Variants in CD247 observed in about 807,000 individuals in gnomAD.
CD247 encodes T-cell surface glycoprotein CD3 zeta chain.
CD247 carries 13 observed loss-of-function variants against 30.0 expected under a neutral mutation model. The ratio of observed to expected loss-of-function variants is 0.43; its 90% CI spans 0.28 to 0.69. The LOEUF (loss-of-function observed/expected upper bound fraction) is 0.69. CD247 is among the 30% of genes least tolerant of loss of function. The probability of loss-of-function intolerance (pLI) is 0.16; values close to 1 mark genes in which losing one functional copy is unlikely to be tolerated. For missense variants in CD247, 193 were observed against 212.6 expected, an observed-to-expected ratio of 0.91 and a Z score of 0.57; for synonymous variants, 72 against 80.0, an observed-to-expected ratio of 0.90 and a Z score of 0.53.
chr1:167,460,892 T>G (rs1652978157), intron 1 of CD247, among the ~76,000 whole-genome samples: 1 of 152,188 alleles, frequency 6.6e-6, no homozygotes, highest in Non-Finnish European at 1.5e-5. Context: ...TTTGCAAGTT[T>G]CCTATTCAGG....
intron 2 of CD247, chr1:167,440,450 C>G: frequency 1.6e-6 from 1 of 612,060 alleles, no homozygotes; most frequent in Admixed American, 2.6e-5. Flanking sequence ...GTGCCTAGCA[C>G]CAGGCTCTCC....
chr1:167,514,919 T>A (rs139624245), intron 1 of CD247, among the ~76,000 whole-genome samples: 170 of 152,022 alleles, frequency 1.1e-3, no homozygotes, highest in African/African-American at 3.9e-3. Flanking sequence ...AAAGTATATA[T>A]CCAACAATAA....
intron 1 of CD247, among the ~76,000 whole-genome samples, chr1:167,466,709 C>T (rs1653263855): frequency 6.6e-6 from 1 of 152,182 alleles, no homozygotes; most frequent in Non-Finnish European, 1.5e-5. Flanking sequence ...TTTTCAAGAG[C>T]GAGGCCTGTG....
At chr1:167,449,151 T>TC (rs1652232321) in intron 1 of CD247, among the ~76,000 whole-genome samples, 1 of 49,954 alleles carries the variant, frequency 2.0e-5, no homozygotes. Context: ...TTTCTTTTCT[T>TC]TTTTTTTTTT....
At chr1:167,432,757 G>A (rs549557403) in intron 7 of CD247, among the ~76,000 whole-genome samples, 1 of 152,324 alleles carries the variant, frequency 6.6e-6, no homozygotes, top group East Asian at 1.9e-4. Flanking sequence ...GGGAGGCTGC[G>A]TACCCTCTGG....
intron 4 of CD247, among the ~76,000 whole-genome samples, chr1:167,438,138 A>G (rs1267854357): frequency 1.3e-5 from 2 of 152,130 alleles, no homozygotes; most frequent in African/African-American, 2.4e-5. Flanking sequence ...GTATACCCAC[A>G]GGTATAGTGT....
intron 1 of CD247, among the ~76,000 whole-genome samples, chr1:167,509,369 CAAA>C (rs35004744): frequency 3.1e-5 from 2 of 63,844 alleles, no homozygotes; most frequent in African/African-American, 5.6e-5. Flanking sequence ...AACTCTGTCT[CAAA>C]AAAAAAAAAA....
chr1:167,437,670 C>G (rs1362150814), intron 4 of CD247, among the ~76,000 whole-genome samples: 1 of 152,122 alleles, frequency 6.6e-6, no homozygotes, highest in South Asian at 2.1e-4. Flanking sequence ...CAGTTTAACT[C>G]ACTGAAGCAT....
intron 1 of CD247, among the ~76,000 whole-genome samples, chr1:167,443,422 G>A (rs1651931319): frequency 6.6e-6 from 1 of 152,196 alleles, no homozygotes; most frequent in African/African-American, 2.4e-5. Flanking sequence ...ACGATCTAAA[G>A]GCCTCTGGGG....
chr1:167,445,176 T>C (rs1652021604), intron 1 of CD247, among the ~76,000 whole-genome samples: 1 of 152,132 alleles, frequency 6.6e-6, no homozygotes, highest in Non-Finnish European at 1.5e-5. Context: ...TCTGCCCGCC[T>C]CGGCCTCCCA....
intron 1 of CD247, among the ~76,000 whole-genome samples, chr1:167,490,773 G>A (rs1654413168): frequency 6.6e-6 from 1 of 152,028 alleles, no homozygotes; most frequent in Admixed American, 6.6e-5. Flanking sequence ...AAATTAGCCT[G>A]GTGGGGTGGT....
intron 1 of CD247, among the ~76,000 whole-genome samples, chr1:167,502,178 CT>C (rs1389994251): frequency 2.0e-5 from 3 of 152,328 alleles, no homozygotes; most frequent in Admixed American, 1.3e-4. Flanking sequence ...TGTCCTTCCC[CT>C]AATGCCACCT....
In CD247 at chr1:167,438,670, G is replaced by A. The variant is rs184666213; in HGVS notation, c.220-20C>T. 5.4e-5 allele frequency: 86 copies of A among 1,590,378 alleles called. No individual in the cohort carries two copies. The East Asian group carries it at 1.7e-3, about 32-fold the overall frequency. ...GAGCTCCTATAACAGATAAGAAAGTGTCAGACACAGGACGGAGGAACCTCA... is the reference window on the plus strand; with the variant it reads ...GAGCTCCTATAACAGATAAGAAAGTATCAGACACAGGACGGAGGAACCTCA... On this transcript the variant is annotated intron_variant, in intron 3 of 7. Transcript: ENST00000362089.
At chr1:167,478,890 A>G (rs1341881161) in intron 1 of CD247, among the ~76,000 whole-genome samples, 1 of 152,268 alleles carries the variant, frequency 6.6e-6, no homozygotes, top group East Asian at 1.9e-4. Context: ...GAATACTCGA[A>G]GAAAATACCC....
At chr1:167,500,652 G>T (rs1156993558) in intron 1 of CD247, among the ~76,000 whole-genome samples, 1 of 152,182 alleles carries the variant, frequency 6.6e-6, no homozygotes, top group Non-Finnish European at 1.5e-5. Flanking sequence ...GCTACGTATT[G>T]TGATGTGCTG....
intron 1 of CD247, among the ~76,000 whole-genome samples, chr1:167,453,798 G>A (rs34333554): frequency 0.015 from 2,271 of 152,156 alleles, 31 homozygotes; most frequent in South Asian, 0.028. Context: ...TGCAAATAAT[G>A]ACAATAACAA....
chr1:167,497,342 A>C lies in CD247; in HGVS notation c.58+21066T>G, dbSNP rs543719054. Among the ~76,000 whole-genome samples, 9 of 152,336 alleles carry C rather than the reference A, an allele frequency of 5.9e-5. No individual in the cohort carries two copies. In the East Asian group the frequency reaches 1.2e-3, roughly 20 times the overall value. On this transcript the variant is annotated intron_variant, in intron 1 of 7. Transcript: ENST00000362089. The stretch of plus-strand genomic sequence containing the variant: ...TACCTTTTCCAAGTTTTCCCCAATA[A>C]GTATGCTTTGACCTTGTAAGATATG...
At chr1:167,452,542 T>G (rs907985635) in intron 1 of CD247, among the ~76,000 whole-genome samples, 4 of 152,062 alleles carry the variant, frequency 2.6e-5, no homozygotes, top group African/African-American at 9.7e-5. Context: ...CGAGTGGTCA[T>G]GTGGTGGCCA....
chr1:167,456,667 G>A (rs1652690073), intron 1 of CD247, among the ~76,000 whole-genome samples: 2 of 152,128 alleles, frequency 1.3e-5, no homozygotes, highest in Admixed American at 1.3e-4. Flanking sequence ...CCACCTTCTG[G>A]GTTGGATGGG....
Sources: allele counts gnomAD v4.1 joint callset (sites outside exome capture counted in the v4.1 genomes callset), GRCh38; gene constraint gnomAD v4.1.1; transcripts MANE v1.5; gene names NCBI Gene and HGNC (gene_info 2026-07-23, HGNC 2026-07-21).